Variants in PCDHA9 observed in about 807,000 individuals in gnomAD.
PCDHA9 encodes the protein protocadherin alpha-9.
In PCDHA9, 62 loss-of-function variants were observed where a neutral mutation model predicts 62.0. That is an observed-to-expected ratio of 1.00 (90% CI 0.81 to 1.23). PCDHA9 has a LOEUF of 1.23. Among genes scored for constraint, PCDHA9 ranks in the 50% most tolerant of loss-of-function variants. PCDHA9 has a pLI of 0.00. For synonymous variants in PCDHA9, 557 were observed against 567.6 expected, an observed-to-expected ratio of 0.98 and a Z score of 0.27; for missense variants, 1,205 against 1,249.8, an observed-to-expected ratio of 0.96 and a Z score of 0.54.
chr5:140,859,927 A>G (rs1296278263), intron 1 of PCDHA9: 2 of 152,054 alleles, frequency 1.3e-5, no homozygotes, highest in African/African-American at 2.4e-5. Context: ...AGTAATATAA[A>G]AAACTTAGTA....
chr5:140,976,887 C>T (rs933700917), intron 1 of PCDHA9, among the ~76,000 whole-genome samples: 2 of 152,150 alleles, frequency 1.3e-5, no homozygotes, highest in Non-Finnish European at 2.9e-5. Flanking sequence ...AATTAGGATA[C>T]ATGCAACAGT....
chr5:140,963,538 C>T (rs1450528022), intron 1 of PCDHA9, among the ~76,000 whole-genome samples: 2 of 152,188 alleles, frequency 1.3e-5, no homozygotes, highest in Non-Finnish European at 2.9e-5. Flanking sequence ...CCATTTACTT[C>T]ATGATATAAA....
chr5:140,930,654 C>T (rs1229167848), intron 1 of PCDHA9, among the ~76,000 whole-genome samples: 1 of 152,106 alleles, frequency 6.6e-6, no homozygotes, highest in Non-Finnish European at 1.5e-5. Context: ...ATGAAGCATT[C>T]CTTGTTTTAC....
chr5:140,977,518 G>C (rs1328241179), intron 1 of PCDHA9, among the ~76,000 whole-genome samples: 5 of 152,166 alleles, frequency 3.3e-5, no homozygotes, highest in African/African-American at 7.2e-5. Context: ...TTGTGAACTT[G>C]AAAACAAAGG....
intron 1 of PCDHA9, among the ~76,000 whole-genome samples, chr5:140,901,883 C>G (rs1206318073): frequency 5.3e-5 from 8 of 152,038 alleles, no homozygotes; most frequent in Non-Finnish European, 1.0e-4. Flanking sequence ...CTTTCATCAG[C>G]ATTTTATATT....
At chr5:140,993,667 C>T (rs2097576739) in intron 3 of PCDHA9, among the ~76,000 whole-genome samples, 1 of 152,052 alleles carries the variant, frequency 6.6e-6, no homozygotes, top group African/African-American at 2.4e-5. Context: ...AACAATGGAC[C>T]ACATATGTGA....
chr5:140,876,657 C>T (rs782518264), intron 1 of PCDHA9: 3 of 1,614,228 alleles, frequency 1.9e-6, no homozygotes, highest in East Asian at 4.5e-5. Flanking sequence ...ATGTTCCCTT[C>T]AAGCTGGTGT....
chr5:140,964,531 C>T (rs781961669), intron 1 of PCDHA9, among the ~76,000 whole-genome samples: 4 of 152,058 alleles, frequency 2.6e-5, no homozygotes, highest in Non-Finnish European at 5.9e-5. Context: ...CTCTGAGCTG[C>T]GTGCAGAGAT....
At chr5:140,869,837 C>G (rs374182289) in intron 1 of PCDHA9, 1 of 1,611,484 alleles carries the variant, frequency 6.2e-7, no homozygotes, top group African/African-American at 1.3e-5. Context: ...TTTGATAAAT[C>G]AGAATATAAG....
chr5:140,930,329 A>C (rs868965676), intron 1 of PCDHA9: 1 of 152,198 alleles, frequency 6.6e-6, no homozygotes, highest in African/African-American at 2.4e-5. Context: ...AATGTATCTA[A>C]TGAAAGTTAA....
chr5:140,876,899 C>T (rs781884794), intron 1 of PCDHA9: 2 of 1,614,092 alleles, frequency 1.2e-6, no homozygotes, highest in South Asian at 2.2e-5. Context: ...CACATCTTCA[C>T]GGTGTCGGCA....
At chr5:140,895,341 T>C (rs996566433) in intron 1 of PCDHA9, among the ~76,000 whole-genome samples, 5 of 152,186 alleles carry the variant, frequency 3.3e-5, no homozygotes, top group African/African-American at 1.2e-4. Flanking sequence ...TGTTTTACTA[T>C]GCTTTCCAGT....
chr5:140,974,618 T>C (rs781783540), intron 1 of PCDHA9, among the ~76,000 whole-genome samples: 1 of 152,086 alleles, frequency 6.6e-6, no homozygotes, highest in Non-Finnish European at 1.5e-5. Context: ...TTCAAGCGAT[T>C]CTCCTGCCTC....
In PCDHA9 at chr5:140,872,829, G is replaced by GA. The variant is rs1562676145; in HGVS notation, c.2394+21946dup. ...AAGTTTTTCAGATTCATCTAGCAGA[G>GA]AAAAAATTAAATATATTAATGTGAG... is the stretch of plus-strand genomic sequence containing the variant. On this transcript the variant is annotated intron_variant, in intron 1 of 3. Transcript: ENST00000532602. Among the ~76,000 whole-genome samples, 5 of 152,156 alleles carry GA rather than the reference G, an allele frequency of 3.3e-5. No homozygotes were observed. The South Asian group carries it at 8.3e-4, about 25-fold the overall frequency.
intron 1 of PCDHA9, among the ~76,000 whole-genome samples, chr5:140,900,728 C>A (rs2068258961): frequency 1.3e-5 from 2 of 152,188 alleles, no homozygotes; most frequent in Non-Finnish European, 2.9e-5. Flanking sequence ...TCCTACCTAG[C>A]AGTGGGATTT....
intron 1 of PCDHA9, among the ~76,000 whole-genome samples, chr5:140,906,707 CT>C (rs1554192656): frequency 6.6e-6 from 1 of 152,198 alleles, no homozygotes; most frequent in Non-Finnish European, 1.5e-5. Flanking sequence ...ATTTGTAGTC[CT>C]GCCTGGATTG....
In PCDHA9 at chr5:140,855,851, G is replaced by A. The variant is rs971470534; in HGVS notation, c.2394+4962G>A. On this transcript the variant is annotated intron_variant, in intron 1 of 3. Transcript: ENST00000532602. Reference sequence around the variant, plus strand: ...AATCGTACTTACACCTAAAGCCACCGGATGTCGCTGTCGTCCACAAAATAG... The same window carrying A: ...AATCGTACTTACACCTAAAGCCACCAGATGTCGCTGTCGTCCACAAAATAG... 16 of 668,440 alleles carry A rather than the reference G, an allele frequency of 2.4e-5. No homozygotes were observed. The East Asian group carries it at 3.9e-4, about 16-fold the overall frequency. The allele number at this position is 668,440 out of a possible 1,614,324, so 41.4% of individuals were successfully genotyped here.
chr5:140,862,997 G>T, intron 1 of PCDHA9: 1 of 549,924 alleles, frequency 1.8e-6, no homozygotes, highest in Non-Finnish European at 3.6e-6. Context: ...GCGCACGGTG[G>T]ACTCCAGCTA....
In PCDHA9 at chr5:140,849,741, G is replaced by A; in HGVS notation, c.1246G>A (p.Glu416Lys). 1.3e-6 allele frequency: 2 copies of A among 1,598,488 alleles called. No homozygotes were observed. The highest frequency in any genetic ancestry group is 8.6e-7 in the Non-Finnish European group (1 of 1,168,010). The change falls in exon 1 of 4, where the codon GAG becomes AAG. Residue 416 changes from glutamate (E) to lysine (K), a missense_variant. Around this residue, in one of 3 missense-constraint regions of PCDHA9, gnomAD observed 887 missense variants for 809.5 expected, o/e 1.10. Coordinates refer to ENST00000532602, the MANE Select transcript of PCDHA9 (RefSeq NM_031857.2). ...GGTGCTGGACAGAGCTCTGGACCGC[G>A]AGAGTGTGTCCGCCTACGAGCTGGT... ...SLVLDRALDR[E>K]SVSAYELVVT...
Sources: allele counts gnomAD v4.1 joint callset (sites outside exome capture counted in the v4.1 genomes callset), GRCh38; gene constraint gnomAD v4.1.1; regional missense constraint gnomAD v4.1.1; transcripts MANE v1.5; gene names NCBI Gene and HGNC (gene_info 2026-07-23, HGNC 2026-07-21).